The following ZDHHC15 variants were observed in gnomAD, a reference collection of about 807,000 sequenced individuals.
ZDHHC15 encodes palmitoyltransferase ZDHHC15.
Under a neutral mutation model 31.7 loss-of-function variants are expected in ZDHHC15, and 19 were observed. That is an observed-to-expected ratio of 0.60 (90% CI 0.42 to 0.88). The LOEUF (loss-of-function observed/expected upper bound fraction) is 0.88, where lower values mean the gene tolerates loss of function less well. Ranked by LOEUF, ZDHHC15 falls within the 40% of genes least tolerant of loss-of-function variation. The pLI is 0.00. For missense variants in ZDHHC15, 209 were observed against 251.2 expected (o/e 0.83, Z 1.14); for synonymous variants, 103 against 90.0 (o/e 1.14, Z -0.82).
chrX:75,513,223 C>T (rs1327923882), intron 1 of ZDHHC15, among the ~76,000 whole-genome samples: 1 of 111,536 alleles, frequency 9.0e-6, no homozygotes, highest in African/African-American at 3.3e-5. Flanking sequence ...AGGACATAGG[C>T]GTGGGCAAGG....
intron 2 of ZDHHC15, among the ~76,000 whole-genome samples, chrX:75,484,369 A>C (rs1022113269): frequency 8.9e-6 from 1 of 112,231 alleles, no homozygotes; most frequent in Non-Finnish European, 1.9e-5. Context: ...CTCAATAATA[A>C]GACAACTCAA....
intron 3 of ZDHHC15, among the ~76,000 whole-genome samples, chrX:75,474,033 C>T (rs1433192866): frequency 9.0e-6 from 1 of 110,927 alleles, no homozygotes. Context: ...ATGGTTTCAA[C>T]TTGACAAGGG....
At chrX:75,465,746 T>C (rs781199028) in intron 3 of ZDHHC15, among the ~76,000 whole-genome samples, 3 of 111,666 alleles carry the variant, frequency 2.7e-5, no homozygotes, top group Non-Finnish European at 5.6e-5. Flanking sequence ...CCTAGCCATA[T>C]GCAGAAAATT....
At chrX:75,473,280 T>C (rs1435185966) in intron 3 of ZDHHC15, among the ~76,000 whole-genome samples, 3 of 111,872 alleles carry the variant, frequency 2.7e-5, no homozygotes, top group East Asian at 2.8e-4. Context: ...CAGAAGGCCG[T>C]GTATGCTTTC....
intron 3 of ZDHHC15, among the ~76,000 whole-genome samples, chrX:75,462,281 C>G (rs769699714): frequency 1.8e-5 from 2 of 111,970 alleles, no homozygotes; most frequent in Non-Finnish European, 3.8e-5. Flanking sequence ...AATGCAAGTT[C>G]TTAGAGATCT....
In ZDHHC15 at chrX:75,371,497, G is replaced by A. The variant is rs1279967293; in HGVS notation, c.*1481C>T. On this transcript the variant is annotated 3_prime_UTR_variant, in exon 12 of 12. Coordinates refer to ENST00000373367, the MANE Select transcript of ZDHHC15 (RefSeq NM_144969.3). ...ATCCAGATGAACAGGTTTTGTTGTT[G>A]CTTTAAGTAGCTGGATTGTTCACTT... The A allele has an allele frequency of 8.9e-6, 1 of 111,898 alleles. No individual in the cohort carries two copies. The highest frequency in any genetic ancestry group is 1.9e-5 in the Non-Finnish European group (1 of 53,209). 9.2% of individuals were successfully genotyped at this position (111,898 alleles called of 1,213,427 possible). A position where few individuals can be genotyped will look rare whatever the true frequency, so the allele number is the denominator to read the frequency against.
intron 3 of ZDHHC15, among the ~76,000 whole-genome samples, chrX:75,478,590 C>T (rs1454232062): frequency 2.7e-5 from 3 of 111,247 alleles, no homozygotes; most frequent in Non-Finnish European, 3.8e-5. Context: ...ACTTTGTTGC[C>T]TAGGTCTCAA....
chrX:75,497,352 A>T, intron 2 of ZDHHC15, among the ~76,000 whole-genome samples: 1 of 111,779 alleles, frequency 8.9e-6, no homozygotes, highest in East Asian at 2.8e-4. Flanking sequence ...AAAAAATGCT[A>T]ACAAAAAGAA....
intron 9 of ZDHHC15, among the ~76,000 whole-genome samples, chrX:75,418,429 A>G (rs1006331119): frequency 1.5e-4 from 17 of 112,087 alleles, no homozygotes; most frequent in African/African-American, 5.5e-4. Flanking sequence ...CTCTAGAACT[A>G]GTTTAGTTGA....
At chrX:75,455,107 A>T (rs774285730) in intron 3 of ZDHHC15, among the ~76,000 whole-genome samples, 2 of 111,923 alleles carry the variant, frequency 1.8e-5, no homozygotes, top group East Asian at 5.6e-4. Flanking sequence ...ATGCTACCTG[A>T]CTTCAAACTA....
chrX:75,403,783 C>A, intron 10 of ZDHHC15, among the ~76,000 whole-genome samples: 1 of 112,129 alleles, frequency 8.9e-6, no homozygotes, highest in South Asian at 3.7e-4. Context: ...GAATCAATAT[C>A]ATTAAAATGG....
At chrX:75,447,634 ATAGT>A (rs1157366168) in intron 4 of ZDHHC15, among the ~76,000 whole-genome samples, 1 of 111,651 alleles carries the variant, frequency 9.0e-6, no homozygotes, top group Non-Finnish European at 1.9e-5. Flanking sequence ...TGATTCTCTG[ATAGT>A]TAGGATTCAC....
intron 2 of ZDHHC15, among the ~76,000 whole-genome samples, chrX:75,491,934 C>A (rs2084903227): frequency 9.0e-6 from 1 of 111,532 alleles, no homozygotes; most frequent in African/African-American, 3.3e-5. Flanking sequence ...AAAATTCACA[C>A]ATAACAATAT....
intron 3 of ZDHHC15, among the ~76,000 whole-genome samples, chrX:75,455,195 G>C (rs2084196946): frequency 9.0e-6 from 1 of 111,014 alleles, no homozygotes; most frequent in South Asian, 3.8e-4. Context: ...ACAGAACAGA[G>C]GCCTCAGAAA....
intron 2 of ZDHHC15, among the ~76,000 whole-genome samples, chrX:75,483,061 G>A (rs778425440): frequency 3.2e-3 from 295 of 92,323 alleles, no homozygotes; most frequent in Middle Eastern, 0.01. Context: ...ATACACATAT[G>A]TGTATATATA....
intron 10 of ZDHHC15, among the ~76,000 whole-genome samples, chrX:75,390,282 G>A (rs918990775): frequency 1.8e-5 from 2 of 111,962 alleles, no homozygotes; most frequent in Non-Finnish European, 3.8e-5. Context: ...TGGAACCTGG[G>A]GGAATTCGCC....
At position 75,440,274 on chromosome X, in the gene ZDHHC15, T is replaced by C. The variant is rs886879902; in HGVS notation, c.380-8754A>G. 1.3e-4 allele frequency among the ~76,000 whole-genome samples: 4 copies of C among 31,963 alleles called. No homozygotes were observed. In the Admixed American group the frequency reaches 2.7e-3, roughly 22 times the overall value. The allele number at this position is 31,963 out of a possible 115,157, so 27.8% of individuals were successfully genotyped here. A position where few individuals can be genotyped will look rare whatever the true frequency, so the allele number is the denominator to read the frequency against. ...GCAGGGTTGTTCTTTTTTTCTTTTT[T>C]CTTTTCCTTTTTTTTTTGAGATGGA... On this transcript the variant is annotated intron_variant, in intron 4 of 11. Transcript: ENST00000373367.
intron 1 of ZDHHC15, among the ~76,000 whole-genome samples, chrX:75,516,989 CTCA>C (rs1423868633): frequency 8.9e-5 from 10 of 112,310 alleles, no homozygotes; most frequent in Non-Finnish European, 1.7e-4. Context: ...TGAAAAAATG[CTCA>C]TCATCACTGG....
At chrX:75,471,626 T>C (rs1462795952) in intron 3 of ZDHHC15, among the ~76,000 whole-genome samples, 1 of 112,069 alleles carries the variant, frequency 8.9e-6, no homozygotes, top group African/African-American at 3.2e-5. Flanking sequence ...ACATTCCTCA[T>C]TTGAGCATGT....
Sources: allele counts gnomAD v4.1 joint callset (sites outside exome capture counted in the v4.1 genomes callset), GRCh38; gene constraint gnomAD v4.1.1; transcripts MANE v1.5; gene names NCBI Gene and HGNC (gene_info 2026-07-23, HGNC 2026-07-21).